The following SLC1A5 variants were observed in gnomAD, a reference collection of about 807,000 sequenced individuals.
SLC1A5 encodes the protein solute carrier family 1 member 5.
A neutral mutation model predicts 34.9 loss-of-function variants in SLC1A5; 25 were observed. That is an observed-to-expected ratio of 0.72 (90% CI 0.52 to 1.00). The LOEUF is 1.00. Ranked by LOEUF, SLC1A5 falls within the 50% of genes least tolerant of loss-of-function variation. SLC1A5 has a pLI of 0.00. For synonymous variants in SLC1A5, 351 were observed against 341.2 expected, an observed-to-expected ratio of 1.03 and a Z score of -0.32; for missense variants, 637 against 740.0, an observed-to-expected ratio of 0.86 and a Z score of 1.61.
intron 1 of SLC1A5, among the ~76,000 whole-genome samples, chr19:46,785,661 C>T (rs1488149893): frequency 6.6e-6 from 1 of 152,216 alleles, no homozygotes; most frequent in Non-Finnish European, 1.5e-5. Flanking sequence ...CAGCCAACGC[C>T]ATGTGCCCAT....
In SLC1A5 at chr19:46,787,606, G is replaced by A. The variant is rs1415755088; in HGVS notation, c.360C>T (p.Asp120=). Residue 120 remains aspartate, a synonymous_variant, in exon 1 of 8, where the codon GAC becomes GAT. Transcript: ENST00000542575. This position sits in a 1 kb window ranked among gnomAD's most constrained non-coding sequence, Gnocchi z 5.2. ...CSLIGGAASL[D]PGALGRLGAW... is the part of the protein sequence containing the mutation. ...CGCCCAGACGGCCGAGCGCGCCGGG[G>A]TCCAGGCTGGCGGCGCCGCCGATCA... 5 of 1,562,616 alleles carry A rather than the reference G, an allele frequency of 3.2e-6. No individual in the cohort carries two copies. Among genetic ancestry groups the A allele is most frequent in the Admixed American group, 3.8e-5 (2 of 52,356 alleles).
At chr19:46,778,990 T>A in intron 4 of SLC1A5, 82 bp from the exon 5 acceptor site, 1 of 960,462 alleles carries the variant, frequency 1.0e-6, no homozygotes, top group South Asian at 1.6e-5. Context: ...CCTACCCACA[T>A]CTTCCTGCCT....
At chr19:46,786,777 G>T (rs994573669) in intron 1 of SLC1A5, among the ~76,000 whole-genome samples, 1 of 152,216 alleles carries the variant, frequency 6.6e-6, no homozygotes, top group Non-Finnish European at 1.5e-5. Flanking sequence ...CCTGCTAGGG[G>T]GTGGCCCAGA....
Position 46,787,721 on chromosome 19 carries a change from C to A in SLC1A5, c.245G>T (p.Gly82Val), listed in dbSNP as rs1234414301. 2 of 1,571,794 alleles carry A rather than the reference C, an allele frequency of 1.3e-6. No individual in the cohort carries two copies. Among genetic ancestry groups the A allele is most frequent in the East Asian group, 2.3e-5 (1 of 43,480 alleles). ...VSGAGGALAL[G>V]PERLSAFVFP... ...GACGAAGGCGCTCAAGCGCTCCGGG[C>A]CCAACGCCAGCGCACCCCCGGCCCC... Residue 82 changes from glycine to valine, a missense_variant, in exon 1 of 8, where the codon GGC becomes GTC. Physicochemically the swap from Gly to Val is moderately radical, Grantham distance 109. Transcript: ENST00000542575. This position sits in a 1 kb window ranked among gnomAD's most constrained non-coding sequence, Gnocchi z 5.2.
rs747869602 is a variant in SLC1A5 at position 46,777,358 on chromosome 19, C to T, written c.1106G>A (p.Gly369Asp). The change falls in exon 6 of 8, where the codon GGC becomes GAC. Residue 369 changes from glycine (G) to aspartate (D), a missense_variant. Gly to Asp is a moderately conservative substitution (Grantham distance 94). Transcript: ENST00000542575. The part of the protein sequence containing the change: ...LMMKCVEENN[G>D]VAKHISRFIL... ...GAAACGGCTGATGTGCTTGGCCACG[C>T]CATTATTCTCCTCCACGCACTTCAT... The T allele has an allele frequency of 2.5e-6, 4 of 1,613,450 alleles. No homozygotes were observed. Among genetic ancestry groups the T allele is most frequent in the Non-Finnish European group, 3.4e-6 (4 of 1,179,916 alleles).
chr19:46,781,466 C>T (rs972836181), intron 4 of SLC1A5, among the ~76,000 whole-genome samples: 11 of 152,118 alleles, frequency 7.2e-5, no homozygotes, highest in African/African-American at 1.7e-4. Context: ...GGCATGGTGG[C>T]GCATGCCTGT....
chr19:46,786,246 C>T (rs989320018), intron 1 of SLC1A5, among the ~76,000 whole-genome samples: 1 of 152,086 alleles, frequency 6.6e-6, no homozygotes, highest in Non-Finnish European at 1.5e-5. Context: ...ATGTGTTTGT[C>T]GAGATGCTAC....
intron 3 of SLC1A5, 57 bp from the exon 4 acceptor site, chr19:46,782,606 C>G: frequency 1.3e-6 from 2 of 1,597,430 alleles, no homozygotes; most frequent in South Asian, 2.2e-5. Flanking sequence ...TGCACAGTCA[C>G]TGAGGGCCTG....
chr19:46,783,383 T>C (rs1250819277), intron 3 of SLC1A5, among the ~76,000 whole-genome samples: 4 of 150,402 alleles, frequency 2.7e-5, no homozygotes, highest in African/African-American at 9.8e-5. Context: ...GAATAATCAC[T>C]TGAACCCGGG....
At chr19:46,783,391 G>A (rs777839836) in intron 3 of SLC1A5, among the ~76,000 whole-genome samples, 2 of 151,060 alleles carry the variant, frequency 1.3e-5, no homozygotes, top group African/African-American at 4.9e-5. Context: ...ACTTGAACCC[G>A]GGAGGCGGAG....
chr19:46,787,545 G>T lies in SLC1A5; in HGVS notation c.421C>A (p.Leu141Met). The T allele has an allele frequency of 6.4e-7, 1 of 1,572,380 alleles. No individual in the cohort carries two copies. Among genetic ancestry groups the T allele is most frequent in the Non-Finnish European group, 8.6e-7 (1 of 1,160,252 alleles). ...AAGCCCACTCCGAGCGCCGACGCCAGCAGCGTGGTGACCAGGAAAAAGAGC... is the reference window on the plus strand; with the variant it reads ...AAGCCCACTCCGAGCGCCGACGCCATCAGCGTGGTGACCAGGAAAAAGAGC... ...ALLFFLVTTLLASALGVGLAL... is the reference protein window; with the variant it reads ...ALLFFLVTTLMASALGVGLAL... Residue 141 changes from leucine (L) to methionine (M), a missense_variant, in exon 1 of 8, where the codon CTG (leucine) becomes ATG (methionine). Coordinates refer to ENST00000542575, the MANE Select transcript of SLC1A5 (RefSeq NM_005628.3). The surrounding 1 kb of genome is among the most constrained non-coding windows in gnomAD (Gnocchi z 5.2).
At chr19:46,779,935 C>T (rs2055131985) in intron 4 of SLC1A5, among the ~76,000 whole-genome samples, 1 of 151,850 alleles carries the variant, frequency 6.6e-6, no homozygotes, top group African/African-American at 2.4e-5. Context: ...TCACTGCACC[C>T]TCCGCCTCCC....
In SLC1A5 at chr19:46,787,160, T is replaced by C; in HGVS notation, c.566+240A>G. The C allele has an allele frequency of 8.2e-7, 1 of 1,226,330 alleles. No individual in the cohort carries two copies. Among genetic ancestry groups the C allele is most frequent in the Non-Finnish European group, 1.1e-6 (1 of 937,874 alleles). 76.0% of individuals were successfully genotyped at this position (1,226,330 alleles called of 1,614,324 possible). ...CCTCCTATGTCTCCCCAAATCACTT[T>C]CTTCTCCCTCTATAAGACCCCACTT... On this transcript the variant is annotated intron_variant, in intron 1 of 7. Coordinates refer to ENST00000542575, the MANE Select transcript of SLC1A5 (RefSeq NM_005628.3). This position sits in a 1 kb window ranked among gnomAD's most constrained non-coding sequence, Gnocchi z 5.2.
chr19:46,786,006 G>A (rs145368337), intron 1 of SLC1A5, among the ~76,000 whole-genome samples: 295 of 148,582 alleles, frequency 2.0e-3, no homozygotes, highest in African/African-American at 6.9e-3. Flanking sequence ...GTTGCAATGA[G>A]CCAAGATCGC....
In SLC1A5 at chr19:46,775,039, C is replaced by T; in HGVS notation, c.*471G>A. 1 of 980,530 alleles carries T rather than the reference C, an allele frequency of 1.0e-6. No individual in the cohort carries two copies. Among genetic ancestry groups the T allele is most frequent in the Non-Finnish European group, 1.2e-6 (1 of 830,958 alleles). The allele number at this position is 980,530 out of a possible 1,614,324, so 60.7% of individuals were successfully genotyped here. A position where few individuals can be genotyped will look rare whatever the true frequency, so the allele number is the denominator to read the frequency against. On this transcript the variant is annotated 3_prime_UTR_variant, in exon 8 of 8. Coordinates refer to ENST00000542575, the MANE Select transcript of SLC1A5 (RefSeq NM_005628.3). ...GACAGGGTGGGACGTACCATGGGGA[C>T]AGGAGGTCACAGAACACACACACAC...
intron 4 of SLC1A5, 39 bp downstream of exon 4, chr19:46,782,344 C>CCAACCCCCCCCCCCCCCCCCCCCCAA: frequency 1.6e-6 from 1 of 617,112 alleles, no homozygotes; most frequent in Non-Finnish European, 2.9e-6. Context: ...ACCGACCCTC[C>CCAACCCCCCCCCCCCCCCCCCCCCAA]AACCCCACCC....
At position 46,784,155 on chromosome 19, in the gene SLC1A5, G is replaced by A; in HGVS notation, c.610-11C>T. The A allele has an allele frequency of 6.2e-7, 1 of 1,609,984 alleles. No individual in the cohort carries two copies. On this transcript the variant is annotated splice_polypyrimidine_tract_variant and intron_variant, in intron 2 of 7. Transcript: ENST00000542575. ...ATAGGTGGTAGAGTACTGTAGGTGG[G>A]GTTGGGAAGAGTCAGTGTCCATCGT...
Position 46,778,724 on chromosome 19 carries a change from G to A in SLC1A5, c.1009C>T (p.Leu337=). 3 of 1,552,662 alleles carry A rather than the reference G, an allele frequency of 1.9e-6. No individual in the cohort carries two copies. Among genetic ancestry groups the A allele is most frequent in the South Asian group, 1.1e-5 (1 of 90,386 alleles). The part of the protein sequence containing the change: ...LFTRKNPYRF[L]WGIVTPLATA... ...GCCAGCGGCGTCACGATGCCCCACAGGAAGCGGTAGGGGTTTTTGCGGGTG... is the reference window on the plus strand; with the variant it reads ...GCCAGCGGCGTCACGATGCCCCACAAGAAGCGGTAGGGGTTTTTGCGGGTG... The change falls in exon 5 of 8, where the codon CTG becomes TTG. Residue 337 remains leucine, a synonymous_variant. Coordinates refer to ENST00000542575, the MANE Select transcript of SLC1A5 (RefSeq NM_005628.3).
intron 4 of SLC1A5, 39 bp downstream of exon 4, chr19:46,782,344 C>CCAACCCCCCCCCCCCCCCCCCCCCCA: frequency 1.6e-6 from 1 of 617,110 alleles, no homozygotes; most frequent in Non-Finnish European, 2.9e-6. Context: ...ACCGACCCTC[C>CCAACCCCCCCCCCCCCCCCCCCCCCA]AACCCCACCC....
Sources: gnomAD v4.1 joint callset for allele counts (sites outside exome capture counted in the v4.1 genomes callset) on GRCh38, gnomAD v4.1.1 for gene constraint, Gnocchi (gnomAD v3.1) non-coding constraint, MANE v1.5 for transcripts, NCBI Gene and HGNC (gene_info 2026-07-23, HGNC 2026-07-21) for gene names.